The following CYTH4 variants were observed in gnomAD, a reference collection of about 807,000 sequenced individuals.
CYTH4 encodes cytohesin 4.
A neutral mutation model predicts 57.5 loss-of-function variants in CYTH4; 22 were observed. The observed-to-expected ratio is 0.38, with a 90% CI of 0.27 to 0.55. The LOEUF (loss-of-function observed/expected upper bound fraction) is 0.55. CYTH4 is among the 20% of genes least tolerant of loss of function. CYTH4 has a pLI of 0.74. For synonymous variants in CYTH4, 186 were observed against 206.5 expected, an observed-to-expected ratio of 0.90 and a Z score of 0.85; for missense variants, 420 against 535.6, an observed-to-expected ratio of 0.78 and a Z score of 2.13.
chr22:37,313,374 C>A, intron 12 of CYTH4, 65 bp from the exon 13 acceptor site: 1 of 1,520,748 alleles, frequency 6.6e-7, no homozygotes, highest in Non-Finnish European at 9.1e-7. Flanking sequence ...TGATACAAGC[C>A]CTGGGAGAGC....
At chr22:37,291,122 T>A (rs950061952) in intron 1 of CYTH4, among the ~76,000 whole-genome samples, 1 of 152,232 alleles carries the variant, frequency 6.6e-6, no homozygotes, top group Non-Finnish European at 1.5e-5. Flanking sequence ...ATGAGGATGC[T>A]GTATTAGGTA....
rs528058669 is a variant in CYTH4 at position 37,314,375 on chromosome 22, C to T, written c.*864C>T. ...GCAGGTGGGACCCTCAAGAAAATGA[C>T]GGAGAACATCCCAGACAGATGGGAC... On this transcript the variant is annotated 3_prime_UTR_variant, in exon 13 of 13. Coordinates refer to ENST00000248901, the MANE Select transcript of CYTH4 (RefSeq NM_013385.5). 3.0e-5 allele frequency: 12 copies of T among 398,604 alleles called. No homozygotes were observed. Among genetic ancestry groups the T allele is most frequent in the African/African-American group, 1.4e-4 (7 of 48,616 alleles). The allele number at this position is 398,604 out of a possible 1,614,324, so 24.7% of individuals were successfully genotyped here.
intron 9 of CYTH4, 111 bp from the exon 10 acceptor site, chr22:37,310,877 G>A: frequency 1.8e-6 from 2 of 1,129,018 alleles, no homozygotes; most frequent in Non-Finnish European, 2.6e-6. Context: ...GAAGTTTAGG[G>A]CACTCAGCTG....
In CYTH4 at chr22:37,291,561, G is replaced by A. The variant is rs1190519583; in HGVS notation, c.20-1060G>A. ...GGCCTGGGCAAACATGGGGAAGTGGGACTGAGTCCTGGATGGCTCTGGAGC... is the reference window on the plus strand; with the variant it reads ...GGCCTGGGCAAACATGGGGAAGTGGAACTGAGTCCTGGATGGCTCTGGAGC... On this transcript the variant is annotated intron_variant, in intron 1 of 12. Coordinates refer to ENST00000248901, the MANE Select transcript of CYTH4 (RefSeq NM_013385.5). 2.6e-5 allele frequency among the ~76,000 whole-genome samples: 4 copies of A among 152,346 alleles called. No individual in the cohort carries two copies. The South Asian group carries it at 8.3e-4, about 32-fold the overall frequency.
Position 37,295,991 on chromosome 22 carries a change from G to T in CYTH4, c.168-8G>T. The stretch of plus-strand genomic sequence containing the variant: ...GGGCAGCCCAAGCTGACGTCCTCAT[G>T]TCCACAGCCGGATGGCCCAGAAGGA... On this transcript the variant is annotated splice_region_variant and splice_polypyrimidine_tract_variant and intron_variant, in intron 3 of 12. Coordinates refer to ENST00000248901, the MANE Select transcript of CYTH4 (RefSeq NM_013385.5). This position sits in a 1 kb window ranked among gnomAD's most constrained non-coding sequence, Gnocchi z 4.1. 6.2e-7 allele frequency: 1 copy of T among 1,612,010 alleles called. No individual in the cohort carries two copies. The highest frequency in any genetic ancestry group is 8.5e-7 in the Non-Finnish European group (1 of 1,178,990).
rs368239967 is a variant in CYTH4, at chr22:37,308,835, TAA to T, written c.697-376_697-375del. 3.7e-3 allele frequency among the ~76,000 whole-genome samples: 557 copies of T among 152,062 alleles called. 5 individuals are homozygous for T. The highest frequency in any genetic ancestry group is 0.013 in the African/African-American group (519 of 41,438). On this transcript the variant is annotated intron_variant, in intron 8 of 12. Coordinates refer to ENST00000248901, the MANE Select transcript of CYTH4 (RefSeq NM_013385.5). The stretch of plus-strand genomic sequence containing the variant: ...ATGTATGTGTGAGCATGCATTTATA[TAA>T]GTGTGCCTGCATGTGTGTGAACGTG...
intron 1 of CYTH4, among the ~76,000 whole-genome samples, chr22:37,287,818 T>A (rs535654746): frequency 9.8e-4 from 149 of 152,254 alleles, no homozygotes; most frequent in Non-Finnish European, 1.2e-3. Flanking sequence ...AACTGGAAAA[T>A]ACCTACTTCA....
rs992859704 is a variant in CYTH4, at chr22:37,306,714, C to T, written c.697-2498C>T. 2.0e-5 allele frequency among the ~76,000 whole-genome samples: 3 copies of T among 152,234 alleles called. No homozygotes were observed. In the East Asian group the frequency reaches 5.8e-4, roughly 29 times the overall value. The stretch of plus-strand genomic sequence containing the variant: ...GTGCCCAGTGACATCACGGCCTGAT[C>T]CAGTTGCCCCATCTCTCAGCAACCG... On this transcript the variant is annotated intron_variant, in intron 8 of 12. Coordinates refer to ENST00000248901, the MANE Select transcript of CYTH4 (RefSeq NM_013385.5).
intron 2 of CYTH4, 118 bp downstream of exon 2, chr22:37,292,821 T>C (rs1216940133): frequency 5.1e-6 from 5 of 988,068 alleles, no homozygotes; most frequent in African/African-American, 3.2e-5. Context: ...CTCTGGCTCA[T>C]ATCAGCCTCG....
At chr22:37,313,312 C>A (rs1358132656) in intron 12 of CYTH4, 127 bp from the exon 13 acceptor site, 3 of 904,372 alleles carry the variant, frequency 3.3e-6, no homozygotes, top group Admixed American at 2.0e-5. Context: ...GGCCATCTGG[C>A]CTTTCCCCCG....
rs373424687 is a variant in CYTH4 at position 37,302,468 on chromosome 22, T to A, written c.548-786T>A. On this transcript the variant is annotated intron_variant, in intron 7 of 12. Transcript: ENST00000248901. ...CTGCCTCATAGGATGGGCATGGGGA[T>A]GTGAGAGCTTAGCACAGGGCAAGCA... is the stretch of plus-strand genomic sequence containing the variant. Among the ~76,000 whole-genome samples the A allele has an allele frequency of 6.6e-5, 10 of 152,350 alleles. No homozygotes were observed. The East Asian group carries it at 1.5e-3, about 23-fold the overall frequency.
chr22:37,303,500 GC>G, intron 8 of CYTH4, 98 bp downstream of exon 8: 2 of 1,446,056 alleles, frequency 1.4e-6, no homozygotes, highest in Non-Finnish European at 1.8e-6. Context: ...GAGATAGACA[GC>G]CCCCAGTGGG....
chr22:37,300,517 A>C (rs1601704866), intron 6 of CYTH4, among the ~76,000 whole-genome samples: 1 of 151,942 alleles, frequency 6.6e-6, no homozygotes, highest in African/African-American at 2.4e-5. Flanking sequence ...GCAAGGCAAA[A>C]CCCCTGCCCC....
chr22:37,313,062 G>T (rs1285163160), intron 12 of CYTH4, among the ~76,000 whole-genome samples: 1 of 152,240 alleles, frequency 6.6e-6, no homozygotes, highest in Non-Finnish European at 1.5e-5. Context: ...ACCTGCCCAG[G>T]CCACAGAACC....
chr22:37,309,485 T>A (rs1156300571), intron 9 of CYTH4, among the ~76,000 whole-genome samples, 162 bp downstream of exon 9: 1 of 152,102 alleles, frequency 6.6e-6, no homozygotes, highest in African/African-American at 2.4e-5. Flanking sequence ...TGGCCCCCAG[T>A]GCAGCCGTCT....
In CYTH4 at chr22:37,311,940, C is replaced by T. The variant is rs1929657208; in HGVS notation, c.958-80C>T. On this transcript the variant is annotated intron_variant, in intron 11 of 12. Coordinates refer to ENST00000248901, the MANE Select transcript of CYTH4 (RefSeq NM_013385.5). The surrounding 1 kb of genome is among the most constrained non-coding windows in gnomAD (Gnocchi z 4.4). ...CTGTCACGCTGATCAGGGACACTAG[C>T]GTCTGGGCTTCTCTGAGCCTCCTGG... 1.3e-6 allele frequency: 2 copies of T among 1,534,196 alleles called. No homozygotes were observed. The highest frequency in any genetic ancestry group is 1.8e-6 in the Non-Finnish European group (2 of 1,127,072).
chr22:37,306,673 G>A (rs544296665), intron 8 of CYTH4, among the ~76,000 whole-genome samples: 1 of 152,344 alleles, frequency 6.6e-6, no homozygotes, highest in South Asian at 2.1e-4. Context: ...CTGGCTTCAG[G>A]TTCAGCTAGA....
At chr22:37,288,416 A>C (rs539563479) in intron 1 of CYTH4, among the ~76,000 whole-genome samples, 1 of 152,106 alleles carries the variant, frequency 6.6e-6, no homozygotes, top group South Asian at 2.1e-4. Flanking sequence ...GTCTCAAAAA[A>C]ATAAATACAT....
Position 37,308,905 on chromosome 22 carries a change from T to C in CYTH4, c.697-307T>C, listed in dbSNP as rs117882535. 8.2e-3 allele frequency among the ~76,000 whole-genome samples: 1,248 copies of C among 152,270 alleles called. 11 individuals are homozygous for C. Among genetic ancestry groups the C allele is most frequent in the Middle Eastern group, 0.031 (9 of 292 alleles). On this transcript the variant is annotated intron_variant, in intron 8 of 12. Transcript: ENST00000248901. ...GTGCACGTGTGTGTGTGTAAGCATG[T>C]ATATTTGTATATATGTGTGTTTGAG...
Sources: gnomAD v4.1 joint callset for allele counts (sites outside exome capture counted in the v4.1 genomes callset) on GRCh38, gnomAD v4.1.1 for gene constraint, Gnocchi (gnomAD v3.1) non-coding constraint, MANE v1.5 for transcripts, NCBI Gene and HGNC (gene_info 2026-07-23, HGNC 2026-07-21) for gene names.